MAP3K1: variants seen among roughly 807,000 people sequenced by gnomAD.
MAP3K1 encodes the protein mitogen-activated protein kinase kinase kinase 1.
MAP3K1 carries 36 observed loss-of-function variants against 144.2 expected under a neutral mutation model. That is an observed-to-expected ratio of 0.25 (90% CI 0.19 to 0.33). The LOEUF (loss-of-function observed/expected upper bound fraction) is 0.33. Ranked by LOEUF, MAP3K1 falls within the 10% of genes least tolerant of loss-of-function variation. The probability of loss-of-function intolerance (pLI) is 1.00; values close to 1 mark genes in which losing one functional copy is unlikely to be tolerated. For synonymous variants in MAP3K1, 718 were observed against 688.7 expected, an observed-to-expected ratio of 1.04 and a Z score of -0.67; for missense variants, 1,650 against 1,881.9, an observed-to-expected ratio of 0.88 and a Z score of 2.28.
intron 9 of MAP3K1, among the ~76,000 whole-genome samples, chr5:56,873,434 AGAG>A (rs1265503739): frequency 2.6e-5 from 4 of 152,234 alleles, no homozygotes; most frequent in Non-Finnish European, 2.9e-5. Flanking sequence ...TAATAATTGC[AGAG>A]GAGATGAATA....
intron 11 of MAP3K1, 137 bp downstream of exon 11, chr5:56,879,238 A>G: frequency 8.0e-7 from 1 of 1,246,766 alleles, no homozygotes; most frequent in South Asian, 1.2e-5. Context: ...TGAGATTTAA[A>G]ATGAAAATGC....
At chr5:56,880,659 A>G (rs1028239445) in intron 11 of MAP3K1, 52 bp from the exon 12 acceptor site, 73 of 1,188,186 alleles carry the variant, frequency 6.1e-5, no homozygotes, top group Non-Finnish European at 8.3e-5. Context: ...CTAATATTGT[A>G]TAGTGTTTTA....
chr5:56,855,659 G>A (rs1421142447), intron 1 of MAP3K1, among the ~76,000 whole-genome samples: 2 of 152,094 alleles, frequency 1.3e-5, no homozygotes, highest in South Asian at 4.1e-4. Flanking sequence ...ATTTGTCTTT[G>A]TAGTAAACTT....
intron 1 of MAP3K1, among the ~76,000 whole-genome samples, chr5:56,816,686 G>A (rs1210358254): frequency 1.3e-5 from 2 of 152,194 alleles, no homozygotes; most frequent in Non-Finnish European, 2.9e-5. Context: ...CAGGGCTCCA[G>A]GAGGACGGCT....
chr5:56,823,222 G>C (rs1387089639), intron 1 of MAP3K1, among the ~76,000 whole-genome samples: 1 of 152,192 alleles, frequency 6.6e-6, no homozygotes, highest in African/African-American at 2.4e-5. Context: ...TGCTTCTCCA[G>C]GCCCATCTCA....
intron 1 of MAP3K1, among the ~76,000 whole-genome samples, chr5:56,823,881 G>A (rs976375233): frequency 1.3e-5 from 2 of 152,154 alleles, no homozygotes; most frequent in Non-Finnish European, 2.9e-5. Context: ...GGAGTTAAGA[G>A]TGCGTGTGTG....
chr5:56,882,106 C>T lies in MAP3K1; in HGVS notation c.2906C>T (p.Ser969Phe), dbSNP rs750940532. 6.2e-7 allele frequency: 1 copy of T among 1,614,064 alleles called. No individual in the cohort carries two copies. The highest frequency in any genetic ancestry group is 2.2e-5 in the East Asian group (1 of 44,886). ...KGRPHSQCLNSSPLSHHSQLM... is the reference protein window; with the variant it reads ...KGRPHSQCLNFSPLSHHSQLM... ...AGACCCCACAGTCAGTGTTTGAACTCCTCTCCTTTATCTCATCATTCCCAA... is the reference window on the plus strand; with the variant it reads ...AGACCCCACAGTCAGTGTTTGAACTTCTCTCCTTTATCTCATCATTCCCAA... The change falls in exon 14 of 20, where the codon TCC becomes TTC. Residue 969 changes from serine (S) to phenylalanine (F), a missense_variant. Around this residue, in one of 6 missense-constraint regions of MAP3K1, gnomAD observed 841 missense variants for 886.5 expected, o/e 0.95. Transcript: ENST00000399503.
chr5:56,862,910 A>G (rs1452721997), intron 3 of MAP3K1, among the ~76,000 whole-genome samples: 1 of 152,186 alleles, frequency 6.6e-6, no homozygotes, highest in Non-Finnish European at 1.5e-5. Flanking sequence ...TGTAGCCATT[A>G]TTACGGTCGG....
At chr5:56,819,344 A>G (rs1340336311) in intron 1 of MAP3K1, among the ~76,000 whole-genome samples, 1 of 152,160 alleles carries the variant, frequency 6.6e-6, no homozygotes, top group East Asian at 1.9e-4. Context: ...CTCGAGCATA[A>G]TATGTTGCAT....
At position 56,871,928 on chromosome 5, in the gene MAP3K1, A is replaced by C; in HGVS notation, c.1320A>C (p.Glu440Asp). ...SSENSIKDEE[E>D]QMCPICLLGM... ...TCTATAGCATAAAGGATGAAGAGGA[A>C]CAGATGTGTCCTATTTGCTTGTTGG... is the stretch of plus-strand genomic sequence containing the variant. Residue 440 changes from glutamate (E) to aspartate (D), a missense_variant, in exon 7 of 20, where the codon GAA becomes GAC. This residue lies in a region of MAP3K1 where 125 missense variants were observed against 179.9 expected (regional missense o/e 0.69). Coordinates refer to ENST00000399503, the MANE Select transcript of MAP3K1 (RefSeq NM_005921.2). 6.2e-7 allele frequency: 1 copy of C among 1,613,880 alleles called. No individual in the cohort carries two copies. Among genetic ancestry groups the C allele is most frequent in the Non-Finnish European group, 8.5e-7 (1 of 1,179,764 alleles).
chr5:56,855,101 C>T (rs1488170905), intron 1 of MAP3K1, among the ~76,000 whole-genome samples: 1 of 151,996 alleles, frequency 6.6e-6, no homozygotes, highest in East Asian at 1.9e-4. Context: ...CTCTCTTTCT[C>T]TGCCTTCCTC....
intron 2 of MAP3K1, 147 bp downstream of exon 2, chr5:56,856,897 AC>A: frequency 1.1e-6 from 1 of 886,634 alleles, no homozygotes; most frequent in Non-Finnish European, 1.8e-6. Flanking sequence ...TTTGGAAGAA[AC>A]CATAATTAAA....
At chr5:56,832,396 C>T (rs999449476) in intron 1 of MAP3K1, among the ~76,000 whole-genome samples, 1 of 152,216 alleles carries the variant, frequency 6.6e-6, no homozygotes, top group African/African-American at 2.4e-5. Context: ...CACTCTCCTA[C>T]TGTACTTATC....
chr5:56,845,724 T>TC (rs1288507052), intron 1 of MAP3K1, among the ~76,000 whole-genome samples: 2 of 152,224 alleles, frequency 1.3e-5, no homozygotes, highest in Non-Finnish European at 2.9e-5. Flanking sequence ...GTTTCATTTT[T>TC]CCCCAAAGGT....
intron 3 of MAP3K1, among the ~76,000 whole-genome samples, chr5:56,862,653 A>G (rs1192172695): frequency 2.0e-5 from 3 of 152,218 alleles, no homozygotes; most frequent in African/African-American, 7.2e-5. Context: ...ACAGTGCTTC[A>G]AAAGTATTTT....
intron 1 of MAP3K1, among the ~76,000 whole-genome samples, 169 bp downstream of exon 1, chr5:56,816,224 G>A (rs1326737278): frequency 6.6e-6 from 1 of 152,130 alleles, no homozygotes. Flanking sequence ...GAGTCGGGCG[G>A]CGCCCCGGAC....
At chr5:56,854,846 A>G (rs1358301652) in intron 1 of MAP3K1, among the ~76,000 whole-genome samples, 2 of 152,212 alleles carry the variant, frequency 1.3e-5, no homozygotes, top group African/African-American at 2.4e-5. Context: ...TTTCTGGTAT[A>G]AAAATGCACT....
In MAP3K1 at chr5:56,882,145, C is replaced by G. The variant is rs770325439; in HGVS notation, c.2945C>G (p.Ala982Gly). The G allele has an allele frequency of 6.2e-7, 1 of 1,614,034 alleles. No homozygotes were observed. The highest frequency in any genetic ancestry group is 1.7e-5 in the Admixed American group (1 of 60,004). ...LSHHSQLMFP[A>G]LSTPSSSTPS... Reference sequence around the variant, plus strand: ...CATCATTCCCAATTAATGTTTCCAGCCTTGTCAACCCCTTCTTCTTCTACC... The same window carrying G: ...CATCATTCCCAATTAATGTTTCCAGGCTTGTCAACCCCTTCTTCTTCTACC... The change falls in exon 14 of 20, where the codon GCC becomes GGC. Residue 982 changes from alanine (A) to glycine (G), a missense_variant. Physicochemically the swap from Ala to Gly is moderately conservative, Grantham distance 60 (BLOSUM62 0). This residue lies in a region of MAP3K1 where 841 missense variants were observed against 886.5 expected (regional missense o/e 0.95). Transcript: ENST00000399503.
chr5:56,855,536 G>A (rs78960478), intron 1 of MAP3K1, among the ~76,000 whole-genome samples: 73 of 152,176 alleles, frequency 4.8e-4, no homozygotes, highest in Admixed American at 2.3e-3. Flanking sequence ...CGGGTTAACC[G>A]TTTCCTTTCT....
Sources: gnomAD v4.1 joint callset for allele counts (sites outside exome capture counted in the v4.1 genomes callset) on GRCh38, gnomAD v4.1.1 for gene constraint, gnomAD v4.1.1 regional missense constraint, MANE v1.5 for transcripts, NCBI Gene and HGNC (gene_info 2026-07-23, HGNC 2026-07-21) for gene names.